The following DAAM1 variants were observed in gnomAD, a reference collection of about 807,000 sequenced individuals.
DAAM1 encodes disheveled-associated activator of morphogenesis 1.
Under a neutral mutation model 130.0 loss-of-function variants are expected in DAAM1, and 52 were observed. The observed-to-expected ratio is 0.40, with a 90% CI of 0.32 to 0.50. The LOEUF (loss-of-function observed/expected upper bound fraction) is 0.50. Ranked by LOEUF, DAAM1 falls within the 20% of genes least tolerant of loss-of-function variation. DAAM1 has a pLI of 0.61. For synonymous variants in DAAM1, 452 were observed against 444.5 expected, an observed-to-expected ratio of 1.02 and a Z score of -0.21; for missense variants, 1,134 against 1,303.8, an observed-to-expected ratio of 0.87 and a Z score of 2.01.
intron 17 of DAAM1, among the ~76,000 whole-genome samples, chr14:59,352,280 A>G (rs1256794352): frequency 6.6e-6 from 1 of 152,222 alleles, no homozygotes; most frequent in Admixed American, 6.5e-5. Context: ...GAACTCCCAC[A>G]ATTCTGATTT....
chr14:59,193,958 A>G (rs1887808895), intron 1 of DAAM1, among the ~76,000 whole-genome samples: 1 of 152,148 alleles, frequency 6.6e-6, no homozygotes, highest in South Asian at 2.1e-4. Context: ...AATACTTTCC[A>G]TGGGCTACGT....
At chr14:59,285,450 G>A (rs1883402135) in intron 2 of DAAM1, among the ~76,000 whole-genome samples, 1 of 152,154 alleles carries the variant, frequency 6.6e-6, no homozygotes, top group Non-Finnish European at 1.5e-5. Flanking sequence ...GATTCTGAAT[G>A]TAAACAGGCT....
intron 1 of DAAM1, among the ~76,000 whole-genome samples, chr14:59,193,364 C>A (rs1283897128): frequency 6.6e-6 from 1 of 152,114 alleles, no homozygotes. Flanking sequence ...GTTTGTAGCC[C>A]CACTGAAACA....
At chr14:59,290,926 C>G (rs1489963274) in intron 2 of DAAM1, among the ~76,000 whole-genome samples, 4 of 152,340 alleles carry the variant, frequency 2.6e-5, no homozygotes, top group African/African-American at 7.2e-5. Flanking sequence ...CAGCAGTAGA[C>G]AGTAGCTCAG....
rs1713653913 is a variant in DAAM1 at position 59,217,589 on chromosome 14, C to A, written c.-38+28821C>A. ...TGGTGGCTCATGCCTGTAATCTCAG[C>A]ACTTTGGGAGGCCGAGGAAGGAGGA... On this transcript the variant is annotated intron_variant, in intron 1 of 24. Coordinates refer to ENST00000360909, the MANE Select transcript of DAAM1 (RefSeq NM_001270520.2). Among the ~76,000 whole-genome samples, 3 of 152,090 alleles carry A rather than the reference C, an allele frequency of 2.0e-5. No individual in the cohort carries two copies. The South Asian group carries it at 6.2e-4, about 32-fold the overall frequency.
At chr14:59,345,251 GGGA>G (rs1362026523) in intron 16 of DAAM1, among the ~76,000 whole-genome samples, 1 of 152,072 alleles carries the variant, frequency 6.6e-6, no homozygotes, top group Non-Finnish European at 1.5e-5. Flanking sequence ...GCGATATTCT[GGGA>G]ACATGTTCAT....
At chr14:59,346,474 A>C (rs1886083972) in intron 16 of DAAM1, among the ~76,000 whole-genome samples, 1 of 152,220 alleles carries the variant, frequency 6.6e-6, no homozygotes, top group South Asian at 2.1e-4. Flanking sequence ...AAGATTTTTA[A>C]AATAAGTCTA....
chr14:59,311,822 A>G (rs1396710255), intron 3 of DAAM1, among the ~76,000 whole-genome samples: 1 of 152,044 alleles, frequency 6.6e-6, no homozygotes, highest in Non-Finnish European at 1.5e-5. Flanking sequence ...CTGAGTAGCT[A>G]GGGCTACAGG....
At chr14:59,259,046 G>T (rs1882042127) in intron 1 of DAAM1, among the ~76,000 whole-genome samples, 1 of 152,166 alleles carries the variant, frequency 6.6e-6, no homozygotes, top group Non-Finnish European at 1.5e-5. Context: ...CTGATTTTTA[G>T]ATCTTAACGT....
rs138039612 is a variant in DAAM1 at position 59,299,175 on chromosome 14, T to C, written c.273+7869T>C. On this transcript the variant is annotated intron_variant, in intron 3 of 24. Transcript: ENST00000360909. ...TTTCCTGAATTACGTTTGTTCCTCA[T>C]AATTGTTCCAAACTATAGTATGATG... is the stretch of plus-strand genomic sequence containing the variant. Among the ~76,000 whole-genome samples the C allele has an allele frequency of 5.1e-4, 77 of 152,342 alleles. No individual in the cohort carries two copies. The East Asian group carries it at 8.1e-3, about 16-fold the overall frequency.
intron 1 of DAAM1, among the ~76,000 whole-genome samples, chr14:59,230,111 G>A (rs778927909): frequency 2.6e-5 from 4 of 152,080 alleles, no homozygotes; most frequent in Non-Finnish European, 4.4e-5. Context: ...CAACAGATCC[G>A]TCATTTCTCT....
At chr14:59,221,209 ACT>A (rs1283640250) in intron 1 of DAAM1, among the ~76,000 whole-genome samples, 1 of 152,194 alleles carries the variant, frequency 6.6e-6, no homozygotes, top group African/African-American at 2.4e-5. Flanking sequence ...CTCTCCTGAG[ACT>A]CTGTAACTTA....
Position 59,369,043 on chromosome 14 carries a change from G to T in DAAM1, c.*184G>T, listed in dbSNP as rs189248274. On this transcript the variant is annotated 3_prime_UTR_variant, in exon 25 of 25. Coordinates refer to ENST00000360909, the MANE Select transcript of DAAM1 (RefSeq NM_001270520.2). Reference sequence around the variant, plus strand: ...TTAAAAAATGTATATAGATGTCTGAGTGTTGTCTGGAGACCTATACGTATG... The same window carrying T: ...TTAAAAAATGTATATAGATGTCTGATTGTTGTCTGGAGACCTATACGTATG... 1.6e-4 allele frequency: 91 copies of T among 582,672 alleles called. No individual in the cohort carries two copies. Among genetic ancestry groups the T allele is most frequent in the African/African-American group, 1.5e-3 (81 of 53,356 alleles). The allele number at this position is 582,672 out of a possible 1,614,324, so 36.1% of individuals were successfully genotyped here. A position where few individuals can be genotyped will look rare whatever the true frequency, so the allele number is the denominator to read the frequency against.
chr14:59,209,184 T>C, intron 1 of DAAM1, among the ~76,000 whole-genome samples: 1 of 152,238 alleles, frequency 6.6e-6, no homozygotes, highest in East Asian at 1.9e-4. Context: ...ACCATCCCTC[T>C]TGGCATACAT....
intron 2 of DAAM1, among the ~76,000 whole-genome samples, chr14:59,280,601 A>T (rs1883171428): frequency 7.2e-6 from 1 of 138,216 alleles, no homozygotes; most frequent in Non-Finnish European, 1.5e-5. Flanking sequence ...TGATGCAAAG[A>T]TGAATAGAAC....
intron 15 of DAAM1, among the ~76,000 whole-genome samples, chr14:59,332,201 CA>C (rs1455546010): frequency 6.6e-6 from 1 of 152,156 alleles, no homozygotes; most frequent in African/African-American, 2.4e-5. Context: ...TGTATTTAGT[CA>C]AAATGGTTCA....
chr14:59,243,699 T>C (rs1201865827), intron 1 of DAAM1, among the ~76,000 whole-genome samples: 1 of 152,206 alleles, frequency 6.6e-6, no homozygotes, highest in Admixed American at 6.5e-5. Context: ...ACTGGATGTT[T>C]CCTTTCTCTC....
In DAAM1 at chr14:59,326,283, A is replaced by C. The variant is rs570709979; in HGVS notation, c.1174+206A>C. 2.0e-5 allele frequency among the ~76,000 whole-genome samples: 3 copies of C among 152,188 alleles called. 1 individual carries two copies. The highest frequency in any genetic ancestry group is 4.4e-5 in the Non-Finnish European group (3 of 68,036). ...GAAACAAATTAAAATTTTGATTTTA[A>C]AAATAAAAAATATGCCTTACAACCT... On this transcript the variant is annotated intron_variant, in intron 10 of 24. Coordinates refer to ENST00000360909, the MANE Select transcript of DAAM1 (RefSeq NM_001270520.2).
At chr14:59,314,993 A>G (rs187869055) in intron 3 of DAAM1, among the ~76,000 whole-genome samples, 2 of 152,328 alleles carry the variant, frequency 1.3e-5, no homozygotes, top group Admixed American at 6.5e-5. Context: ...AAGGAAAACA[A>G]CTTTACACCA....
Sources: allele counts gnomAD v4.1 joint callset (sites outside exome capture counted in the v4.1 genomes callset), GRCh38; gene constraint gnomAD v4.1.1; transcripts MANE v1.5; gene names NCBI Gene and HGNC (gene_info 2026-07-23, HGNC 2026-07-21).